DNAJC10: variants seen among roughly 807,000 people sequenced by gnomAD.
DNAJC10 encodes the protein DnaJ heat shock protein family (Hsp40) member C10, also known as endoplasmic reticulum disulfide reductase DNAJC10.
A neutral mutation model predicts 115.0 loss-of-function variants in DNAJC10; 101 were observed. The observed-to-expected ratio is 0.88, with a 90% CI of 0.75 to 1.04. The LOEUF (loss-of-function observed/expected upper bound fraction) is 1.04. Ranked by LOEUF, DNAJC10 falls within the 50% of genes least tolerant of loss-of-function variation. DNAJC10 has a pLI of 0.00. For missense variants in DNAJC10, 981 were observed against 928.8 expected, an observed-to-expected ratio of 1.06 and a Z score of -0.73; for synonymous variants, 307 against 301.5, an observed-to-expected ratio of 1.02 and a Z score of -0.19.
chr2:182,733,780 C>G (rs1438957173), intron 10 of DNAJC10, among the ~76,000 whole-genome samples: 2 of 93,382 alleles, frequency 2.1e-5, no homozygotes, highest in Non-Finnish European at 4.8e-5. Context: ...TCCAATCTCT[C>G]TCAGATAGAT....
chr2:182,724,497 C>A (rs1274896659), intron 5 of DNAJC10, among the ~76,000 whole-genome samples: 1 of 152,084 alleles, frequency 6.6e-6, no homozygotes, highest in Admixed American at 6.5e-5. Context: ...TCAGAAATTA[C>A]AGTAAGACAT....
intron 8 of DNAJC10, chr2:182,730,548 T>G (rs566452706): frequency 6.6e-6 from 3 of 453,652 alleles, no homozygotes; most frequent in Non-Finnish European, 1.3e-5. Context: ...TAAGGGAGCA[T>G]AAGATGTGTA....
At chr2:182,775,503 C>T (rs1488729563) in intron 23 of DNAJC10, 83 bp downstream of exon 23, 1 of 711,964 alleles carries the variant, frequency 1.4e-6, no homozygotes. Flanking sequence ...TACATGCATC[C>T]AGAGACAACA....
At chr2:182,720,864 A>G (rs1294240819) in intron 4 of DNAJC10, among the ~76,000 whole-genome samples, 5 of 152,278 alleles carry the variant, frequency 3.3e-5, no homozygotes, top group African/African-American at 2.4e-5. Flanking sequence ...GATCTCTTCA[A>G]TAGAAATGCC....
chr2:182,754,788 G>C (rs1280837738), intron 16 of DNAJC10: 2 of 1,302,350 alleles, frequency 1.5e-6, no homozygotes, highest in South Asian at 2.0e-5. Flanking sequence ...GAATGGAGCA[G>C]CTATAAATAA....
rs1695078446 is a variant in DNAJC10 at position 182,792,922 on chromosome 2, A to G, written c.*15790A>G. On this transcript the variant is annotated 3_prime_UTR_variant, in exon 24 of 24. Transcript: ENST00000264065. Reference sequence around the variant, plus strand: ...GGGAGATAGACAATAAACAATTAATATAAGCAAATGTTAAGTATGTTAGAA... The same window carrying G: ...GGGAGATAGACAATAAACAATTAATGTAAGCAAATGTTAAGTATGTTAGAA... The G allele has an allele frequency of 6.6e-6, 1 of 152,212 alleles. No homozygotes were observed. The highest frequency in any genetic ancestry group is 6.5e-5 in the Admixed American group (1 of 15,282). 9.4% of individuals were successfully genotyped at this position (152,212 alleles called of 1,614,324 possible). A position where few individuals can be genotyped will look rare whatever the true frequency, so the allele number is the denominator to read the frequency against.
At chr2:182,745,888 C>G (rs1693851240) in intron 14 of DNAJC10, among the ~76,000 whole-genome samples, 1 of 151,992 alleles carries the variant, frequency 6.6e-6, no homozygotes, top group African/African-American at 2.4e-5. Flanking sequence ...TGTCTCCCCA[C>G]TCCCCCCACC....
intron 23 of DNAJC10, 69 bp downstream of exon 23, chr2:182,775,489 A>G (rs754333938): frequency 1.5e-5 from 13 of 868,014 alleles, no homozygotes; most frequent in Non-Finnish European, 2.3e-5. Flanking sequence ...TTTTTCCTAT[A>G]CATTACATGC....
In DNAJC10 at chr2:182,785,786, T is replaced by G. The variant is rs572124949; in HGVS notation, c.*8654T>G. Reference sequence around the variant, plus strand: ...ATACATTTATATATACATAGATCTATAGAGACAGTAGGATATATTTCATAT... The same window carrying G: ...ATACATTTATATATACATAGATCTAGAGAGACAGTAGGATATATTTCATAT... On this transcript the variant is annotated 3_prime_UTR_variant, in exon 24 of 24. Transcript: ENST00000264065. 6.0e-4 allele frequency: 92 copies of G among 152,276 alleles called. No homozygotes were observed. The highest frequency in any genetic ancestry group is 2.2e-3 in the African/African-American group (92 of 41,570). The allele number at this position is 152,276 out of a possible 1,614,324, so 9.4% of individuals were successfully genotyped here.
At chr2:182,750,335 A>G (rs1230392517) in intron 14 of DNAJC10, among the ~76,000 whole-genome samples, 1 of 152,150 alleles carries the variant, frequency 6.6e-6, no homozygotes, top group Non-Finnish European at 1.5e-5. Flanking sequence ...GGCAGTAGCA[A>G]TGGGTTGGAA....
chr2:182,793,658 A>C lies in DNAJC10; in HGVS notation c.*16526A>C, dbSNP rs1162467217. 1 of 152,174 alleles carries C rather than the reference A, an allele frequency of 6.6e-6. No homozygotes were observed. The highest frequency in any genetic ancestry group is 1.5e-5 in the Non-Finnish European group (1 of 68,034). The allele number at this position is 152,174 out of a possible 1,614,324, so 9.4% of individuals were successfully genotyped here. A position where few individuals can be genotyped will look rare whatever the true frequency, so the allele number is the denominator to read the frequency against. On this transcript the variant is annotated 3_prime_UTR_variant, in exon 24 of 24. Transcript: ENST00000264065. ...AATTGGCTGTGACCTATCTGTTACA[A>C]AAATATATCTATATAATCCTAAATT...
Position 182,786,158 on chromosome 2 carries a change from A to C in DNAJC10, c.*9026A>C, listed in dbSNP as rs961188435. ...AGAAACGCAAAATATTGTTTTTACA[A>C]CTAAGATAACATTGAAATTTATACA... On this transcript the variant is annotated 3_prime_UTR_variant, in exon 24 of 24. Coordinates refer to ENST00000264065, the MANE Select transcript of DNAJC10 (RefSeq NM_018981.4). 1 of 152,220 alleles carries C rather than the reference A, an allele frequency of 6.6e-6. No homozygotes were observed. Among genetic ancestry groups the C allele is most frequent in the African/African-American group, 2.4e-5 (1 of 41,450 alleles). 9.4% of individuals were successfully genotyped at this position (152,220 alleles called of 1,614,324 possible). A position where few individuals can be genotyped will look rare whatever the true frequency, so the allele number is the denominator to read the frequency against.
intron 18 of DNAJC10, 119 bp downstream of exon 18, chr2:182,756,588 T>C (rs1379751404): frequency 1.1e-6 from 1 of 948,862 alleles, no homozygotes; most frequent in Non-Finnish European, 1.5e-6. Flanking sequence ...ATAACAGTAC[T>C]GATCATACCA....
chr2:182,766,151 G>A (rs928700004), intron 22 of DNAJC10, among the ~76,000 whole-genome samples: 2 of 152,174 alleles, frequency 1.3e-5, no homozygotes, highest in East Asian at 1.9e-4. Flanking sequence ...ATAATCATGC[G>A]AGCTTGAGCA....
rs369988252 is a variant in DNAJC10, at chr2:182,718,178, G to T, written c.92G>T (p.Gly31Val). The T allele has an allele frequency of 1.2e-5, 20 of 1,613,402 alleles. No homozygotes were observed. Among genetic ancestry groups the T allele is most frequent in the Non-Finnish European group, 1.7e-5 (20 of 1,179,670 alleles). ...FLIVYMAILV[G>V]TDQDFYSLLG... ...ATAGTGTATATGGCCATTTTAGTGG[G>T]CACAGATCAGGATTTTTACAGTTTA... Residue 31 changes from glycine (G) to valine (V), a missense_variant, in exon 3 of 24, where the codon GGC becomes GTC. Gly to Val is a moderately radical substitution (Grantham distance 109). Coordinates refer to ENST00000264065, the MANE Select transcript of DNAJC10 (RefSeq NM_018981.4).
At chr2:182,730,422 T>G (rs1693413767) in intron 8 of DNAJC10, 3 of 306,528 alleles carry the variant, frequency 9.8e-6, no homozygotes, top group South Asian at 8.5e-5. Flanking sequence ...TCAGAAACTA[T>G]TAAATAGTGG....
intron 22 of DNAJC10, among the ~76,000 whole-genome samples, chr2:182,767,200 G>T (rs144564721): frequency 3.2e-4 from 48 of 152,218 alleles, no homozygotes; most frequent in African/African-American, 7.2e-4. Flanking sequence ...CACGCAGAGC[G>T]TACCGGTGCC....
chr2:182,738,348 C>G lies in DNAJC10; in HGVS notation c.988-1951C>G, dbSNP rs116839605. Among the ~76,000 whole-genome samples, 500 of 152,262 alleles carry G rather than the reference C, an allele frequency of 3.3e-3. 1 individual carries two copies. The highest frequency in any genetic ancestry group is 0.011 in the African/African-American group (462 of 41,556). ...TAGTTTATTCTGTGCCATCCGTCAA[C>G]AAGGATTGCCTACACCCTGTCCAAC... is the stretch of plus-strand genomic sequence containing the variant. On this transcript the variant is annotated intron_variant, in intron 11 of 23. Transcript: ENST00000264065.
At chr2:182,742,852 C>CT (rs767531358) in intron 13 of DNAJC10, among the ~76,000 whole-genome samples, 86 of 143,600 alleles carry the variant, frequency 6.0e-4, no homozygotes, top group Admixed American at 1.0e-3. Flanking sequence ...GTTTTTTTTT[C>CT]TTTTTTTTTA....
Sources: gnomAD v4.1 joint callset for allele counts (sites outside exome capture counted in the v4.1 genomes callset) on GRCh38, gnomAD v4.1.1 for gene constraint, MANE v1.5 for transcripts, NCBI Gene and HGNC (gene_info 2026-07-23, HGNC 2026-07-21) for gene names.